Variants in UNC5D observed in about 807,000 individuals in gnomAD.
UNC5D encodes unc-5 netrin receptor D.
In UNC5D, 39 loss-of-function variants were observed where a neutral mutation model predicts 105.4. That is an observed-to-expected ratio of 0.37 (90% CI 0.29 to 0.48). The LOEUF (loss-of-function observed/expected upper bound fraction) is 0.48, where lower values mean the gene tolerates loss of function less well. Among genes scored for constraint, UNC5D ranks in the 20% least tolerant of loss-of-function variants. UNC5D has a pLI of 0.98. For synonymous variants in UNC5D, 452 were observed against 450.4 expected (o/e 1.00, Z -0.04); for missense variants, 991 against 1,202.4 (o/e 0.82, Z 2.60).
chr8:35,423,126 T>C (rs1393490354), intron 1 of UNC5D, among the ~76,000 whole-genome samples: 2 of 152,228 alleles, frequency 1.3e-5, no homozygotes, highest in African/African-American at 4.8e-5. Flanking sequence ...TGTGGTTTAG[T>C]GGTCAATTTT....
In UNC5D at chr8:35,769,910, A is replaced by C. The variant is rs538698423; in HGVS notation, c.2478+2844A>C. ...CCCAGAAGGCAGAGGTTGCAGTGAG[A>C]TGAGATCACACCACTGCACTCCAGC... On this transcript the variant is annotated intron_variant, in intron 15 of 16. Coordinates refer to ENST00000404895, the MANE Select transcript of UNC5D (RefSeq NM_080872.4). 1.1e-4 allele frequency among the ~76,000 whole-genome samples: 17 copies of C among 152,226 alleles called. No homozygotes were observed. In the South Asian group the frequency reaches 2.3e-3, roughly 20 times the overall value.
chr8:35,452,672 C>T (rs1358331810), intron 1 of UNC5D, among the ~76,000 whole-genome samples: 3 of 152,030 alleles, frequency 2.0e-5, no homozygotes, highest in African/African-American at 7.2e-5. Flanking sequence ...TTTTTGAATT[C>T]CTTATGATTT....
At chr8:35,284,313 A>C (rs965413419) in intron 1 of UNC5D, among the ~76,000 whole-genome samples, 2 of 152,214 alleles carry the variant, frequency 1.3e-5, no homozygotes, top group African/African-American at 2.4e-5. Flanking sequence ...TGAATGCTTA[A>C]AAAATTCACT....
At chr8:35,405,020 A>G (rs1014322382) in intron 1 of UNC5D, among the ~76,000 whole-genome samples, 1 of 152,226 alleles carries the variant, frequency 6.6e-6, no homozygotes, top group Non-Finnish European at 1.5e-5. Flanking sequence ...TTTTAGAGCT[A>G]CCTCACTATT....
At chr8:35,476,223 A>G (rs1159458016) in intron 1 of UNC5D, among the ~76,000 whole-genome samples, 1 of 152,142 alleles carries the variant, frequency 6.6e-6, no homozygotes, top group Non-Finnish European at 1.5e-5. Context: ...TCTACTGCAA[A>G]CAAAAGTCTG....
intron 1 of UNC5D, among the ~76,000 whole-genome samples, chr8:35,444,697 C>A (rs940240289): frequency 2.0e-5 from 3 of 151,910 alleles, no homozygotes; most frequent in Non-Finnish European, 4.4e-5. Flanking sequence ...TGGCCTGGTC[C>A]ACTGTCCACC....
chr8:35,451,894 G>C (rs538468689), intron 1 of UNC5D, among the ~76,000 whole-genome samples: 6 of 152,266 alleles, frequency 3.9e-5, no homozygotes, highest in South Asian at 4.1e-4. Context: ...CTTGAAAGGA[G>C]GGAGGTAAAT....
intron 1 of UNC5D, among the ~76,000 whole-genome samples, chr8:35,270,334 A>C (rs1325844308): frequency 6.6e-6 from 1 of 152,120 alleles, no homozygotes; most frequent in Non-Finnish European, 1.5e-5. Flanking sequence ...AGTTTGGTGC[A>C]AGATATTGCT....
At chr8:35,400,792 G>T (rs1585755046) in intron 1 of UNC5D, among the ~76,000 whole-genome samples, 1 of 152,144 alleles carries the variant, frequency 6.6e-6, no homozygotes, top group Non-Finnish European at 1.5e-5. Context: ...CAGCTCCACT[G>T]GTGGGGAACA....
At chr8:35,568,355 T>A in intron 3 of UNC5D, 114 bp downstream of exon 3, 1 of 1,330,602 alleles carries the variant, frequency 7.5e-7, no homozygotes, top group Non-Finnish European at 1.0e-6. Context: ...TGAGAGGTCT[T>A]AAATTTACTC....
At chr8:35,373,613 A>G (rs1802541277) in intron 1 of UNC5D, among the ~76,000 whole-genome samples, 2 of 152,158 alleles carry the variant, frequency 1.3e-5, no homozygotes, top group South Asian at 4.1e-4. Flanking sequence ...GCTCCCTGAT[A>G]AGGAAGATGA....
chr8:35,426,001 A>G (rs1186867536), intron 1 of UNC5D, among the ~76,000 whole-genome samples: 1 of 152,160 alleles, frequency 6.6e-6, no homozygotes, highest in Non-Finnish European at 1.5e-5. Context: ...ATGTAACGCC[A>G]TGAACGACAG....
At chr8:35,758,696 A>G (rs1228599404) in intron 13 of UNC5D, among the ~76,000 whole-genome samples, 1 of 152,188 alleles carries the variant, frequency 6.6e-6, no homozygotes, top group African/African-American at 2.4e-5. Flanking sequence ...AAGCTACAGG[A>G]GTGTTTCCTC....
chr8:35,420,742 C>CTTTTTTTTT (rs11463747), intron 1 of UNC5D, among the ~76,000 whole-genome samples: 1 of 148,924 alleles, frequency 6.7e-6, no homozygotes. Flanking sequence ...ATACCATGGG[C>CTTTTTTTTT]TTTTTTTTTT....
chr8:35,544,275 G>A (rs934696254), intron 1 of UNC5D: 19 of 1,158,928 alleles, frequency 1.6e-5, no homozygotes, highest in Admixed American at 2.8e-5. Flanking sequence ...AACAGCTGAT[G>A]GCATTAGGAT....
chr8:35,296,016 G>T (rs927355786), intron 1 of UNC5D, among the ~76,000 whole-genome samples: 3 of 152,134 alleles, frequency 2.0e-5, no homozygotes, highest in Admixed American at 1.3e-4. Context: ...TTGCTTTTTT[G>T]TGGGTGAATA....
chr8:35,294,830 TTC>T (rs1450907526), intron 1 of UNC5D, among the ~76,000 whole-genome samples: 1 of 152,164 alleles, frequency 6.6e-6, no homozygotes, highest in Non-Finnish European at 1.5e-5. Flanking sequence ...GGCATGACTT[TTC>T]TCTGATTCTT....
intron 11 of UNC5D, among the ~76,000 whole-genome samples, chr8:35,740,711 C>G (rs987072847): frequency 6.6e-6 from 1 of 152,116 alleles, no homozygotes; most frequent in Non-Finnish European, 1.5e-5. Context: ...CATATTCCTT[C>G]TTCCTTCTAC....
intron 1 of UNC5D, among the ~76,000 whole-genome samples, chr8:35,420,082 G>C (rs1468788570): frequency 6.6e-6 from 1 of 152,068 alleles, no homozygotes; most frequent in African/African-American, 2.4e-5. Context: ...AATCAAAAAA[G>C]GGTTTTCAGC....
Sources: gnomAD v4.1 joint callset for allele counts (sites outside exome capture counted in the v4.1 genomes callset) on GRCh38, gnomAD v4.1.1 for gene constraint, MANE v1.5 for transcripts, NCBI Gene and HGNC (gene_info 2026-07-23, HGNC 2026-07-21) for gene names.